Variants in TDRD3 observed in about 807,000 individuals in gnomAD.
TDRD3 encodes tudor domain containing 3.
Under a neutral mutation model 86.7 loss-of-function variants are expected in TDRD3, and 45 were observed. The observed-to-expected ratio is 0.52, with a 90% CI of 0.41 to 0.67. TDRD3 has a LOEUF of 0.67. Ranked by LOEUF, TDRD3 falls within the 30% of genes least tolerant of loss-of-function variation. The pLI, the probability that TDRD3 is intolerant of heterozygous loss-of-function variation, is 0.00. For missense variants in TDRD3, 814 were observed against 889.0 expected (o/e 0.92, Z 1.07); for synonymous variants, 298 against 301.7 (o/e 0.99, Z 0.13).
chr13:60,400,783 C>T (rs1214475435), intron 1 of TDRD3, among the ~76,000 whole-genome samples: 3 of 150,888 alleles, frequency 2.0e-5, no homozygotes, highest in Non-Finnish European at 4.4e-5. Context: ...TGTTGCATAG[C>T]TTAACTCTCT....
At chr13:60,439,090 G>A (rs1300016764) in intron 1 of TDRD3, among the ~76,000 whole-genome samples, 1 of 151,940 alleles carries the variant, frequency 6.6e-6, no homozygotes, top group East Asian at 1.9e-4. Flanking sequence ...AAAGAAAAAA[G>A]GGCAAATAAG....
chr13:60,485,858 A>G lies in TDRD3; in HGVS notation c.627A>G (p.Gln209=). The change falls in exon 7 of 14, where the codon CAA becomes CAG. Residue 209 remains glutamine, a synonymous_variant. Coordinates refer to ENST00000377881, the MANE Select transcript of TDRD3 (RefSeq NM_001146070.2). ...AACTTGATCGAAGAAAAACATTGCA[A>G]GTTACAATGCCTGTCAAACCTACAA... ...SRELDRRKTL[Q]VTMPVKPTND... is the part of the protein sequence containing the mutation. 6.2e-7 allele frequency: 1 copy of G among 1,610,876 alleles called. No individual in the cohort carries two copies.
chr13:60,430,733 C>T (rs1183757095), intron 1 of TDRD3, among the ~76,000 whole-genome samples: 1 of 152,070 alleles, frequency 6.6e-6, no homozygotes, highest in Admixed American at 6.6e-5. Context: ...TCAGCTGTTA[C>T]AATTTTTTTA....
At chr13:60,407,678 G>A (rs1423104061) in intron 1 of TDRD3, among the ~76,000 whole-genome samples, 1 of 152,162 alleles carries the variant, frequency 6.6e-6, no homozygotes, top group Non-Finnish European at 1.5e-5. Context: ...TAGGGTCTTT[G>A]AAATGTTCTG....
chr13:60,416,318 G>A (rs932351167), intron 1 of TDRD3, among the ~76,000 whole-genome samples: 1 of 152,134 alleles, frequency 6.6e-6, no homozygotes. Flanking sequence ...TTTAAGAACA[G>A]ATTTACAAAA....
chr13:60,540,419 T>C (rs1192320640), intron 12 of TDRD3, among the ~76,000 whole-genome samples: 1 of 152,186 alleles, frequency 6.6e-6, no homozygotes, highest in Non-Finnish European at 1.5e-5. Context: ...CTTTTACCAT[T>C]TTTGTGGGAG....
At chr13:60,496,661 A>C (rs1292547610) in intron 8 of TDRD3, among the ~76,000 whole-genome samples, 1 of 152,124 alleles carries the variant, frequency 6.6e-6, no homozygotes, top group Non-Finnish European at 1.5e-5. Flanking sequence ...TGGAGAACCA[A>C]GGAACATAAT....
intron 2 of TDRD3, 84 bp downstream of exon 2, chr13:60,439,856 G>C (rs1344869269): frequency 1.2e-6 from 1 of 850,310 alleles, no homozygotes; most frequent in African/African-American, 1.7e-5. Flanking sequence ...TGGGTTATAT[G>C]ATAACAAATA....
In TDRD3 at chr13:60,554,311, A is replaced by G. The variant is rs113363397; in HGVS notation, c.2119-13214A>G. On this transcript the variant is annotated intron_variant, in intron 12 of 13. Transcript: ENST00000377881. ...TGAAAGTGAATTTGACTATTGTATC[A>G]TGCATTTTGTACTCTGAAGAATGTA... 2.5e-4 allele frequency among the ~76,000 whole-genome samples: 38 copies of G among 152,354 alleles called. 1 individual carries two copies. The highest frequency in any genetic ancestry group is 9.1e-4 in the African/African-American group (38 of 41,592).
At chr13:60,520,743 G>C (rs926302281) in intron 10 of TDRD3, among the ~76,000 whole-genome samples, 3 of 152,192 alleles carry the variant, frequency 2.0e-5, no homozygotes, top group African/African-American at 4.8e-5. Flanking sequence ...ACCACCAGCA[G>C]TTGATGCTCA....
At chr13:60,443,778 A>T (rs1346032272) in intron 2 of TDRD3, among the ~76,000 whole-genome samples, 1 of 151,936 alleles carries the variant, frequency 6.6e-6, no homozygotes, top group Non-Finnish European at 1.5e-5. Context: ...AAGGTGATGA[A>T]GAGCTACTGT....
intron 12 of TDRD3, among the ~76,000 whole-genome samples, chr13:60,565,284 A>T (rs548396766): frequency 3.4e-4 from 52 of 151,416 alleles, no homozygotes; most frequent in East Asian, 2.1e-3. Flanking sequence ...CTTGATCTCC[A>T]GACCTCGTGA....
intron 5 of TDRD3, among the ~76,000 whole-genome samples, chr13:60,477,170 A>T (rs1956202423): frequency 6.6e-6 from 1 of 151,330 alleles, no homozygotes; most frequent in East Asian, 1.9e-4. Context: ...GTTGAGTATG[A>T]TGTTGGCTAT....
At chr13:60,427,420 C>T (rs1271063856) in intron 1 of TDRD3, among the ~76,000 whole-genome samples, 1 of 151,742 alleles carries the variant, frequency 6.6e-6, no homozygotes, top group Non-Finnish European at 1.5e-5. Flanking sequence ...TGTGGGGAGG[C>T]TGGGTTTGAA....
chr13:60,550,154 T>G (rs1177143414), intron 12 of TDRD3, among the ~76,000 whole-genome samples: 2 of 152,102 alleles, frequency 1.3e-5, no homozygotes, highest in Admixed American at 1.3e-4. Flanking sequence ...TTTATGCCAC[T>G]GCATGTTATA....
At chr13:60,444,064 A>G (rs754020195) in intron 2 of TDRD3, among the ~76,000 whole-genome samples, 3 of 151,842 alleles carry the variant, frequency 2.0e-5, no homozygotes, top group African/African-American at 7.2e-5. Flanking sequence ...GTTAGTCCTT[A>G]TATTTTCCTT....
chr13:60,429,052 A>C (rs1021362011), intron 1 of TDRD3, among the ~76,000 whole-genome samples: 2 of 152,216 alleles, frequency 1.3e-5, no homozygotes, highest in Non-Finnish European at 2.9e-5. Context: ...CTTTGTATTT[A>C]AGATGCATTT....
At chr13:60,428,423 C>T (rs1954865640) in intron 1 of TDRD3, among the ~76,000 whole-genome samples, 1 of 151,814 alleles carries the variant, frequency 6.6e-6, no homozygotes, top group African/African-American at 2.4e-5. Context: ...ATATAGGGGC[C>T]AAGGGAAAAT....
At chr13:60,448,669 C>G (rs1955463415) in intron 3 of TDRD3, among the ~76,000 whole-genome samples, 1 of 152,050 alleles carries the variant, frequency 6.6e-6, no homozygotes, top group Non-Finnish European at 1.5e-5. Flanking sequence ...CCATATTATG[C>G]AACTTATTTT....
Sources: gnomAD v4.1 joint callset for allele counts (sites outside exome capture counted in the v4.1 genomes callset) on GRCh38, gnomAD v4.1.1 for gene constraint, MANE v1.5 for transcripts, NCBI Gene and HGNC (gene_info 2026-07-23, HGNC 2026-07-21) for gene names.